The following MATK variants were observed in gnomAD, a reference collection of about 807,000 sequenced individuals.
MATK encodes the protein megakaryocyte-associated tyrosine kinase.
Under a neutral mutation model 59.8 loss-of-function variants are expected in MATK, and 41 were observed. The ratio of observed to expected loss-of-function variants is 0.69; its 90% CI spans 0.53 to 0.89. The LOEUF (loss-of-function observed/expected upper bound fraction) is 0.89, where lower values mean the gene tolerates loss of function less well. Ranked by LOEUF, MATK falls within the 40% of genes least tolerant of loss-of-function variation. MATK has a pLI of 0.00. For missense variants in MATK, 593 were observed against 719.6 expected, an observed-to-expected ratio of 0.82 and a Z score of 2.01; for synonymous variants, 308 against 306.1, an observed-to-expected ratio of 1.01 and a Z score of -0.06.
At chr19:3,789,964 C>T (rs901104921), upstream of MATK, among the ~76,000 whole-genome samples, 3 of 148,878 alleles carry the variant, frequency 2.0e-5, no homozygotes, top group East Asian at 2.0e-4. Context: ...TGCAGTGGCG[C>T]GATCTCAGCT....
At chr19:3,784,799 A>C in intron 3 of MATK, 26 bp downstream of exon 3, 1 of 1,540,894 alleles carries the variant, frequency 6.5e-7, no homozygotes, top group Non-Finnish European at 8.8e-7. Flanking sequence ...CCCGGGGAGC[A>C]GAGGAAGCAG....
At chr19:3,798,035 C>T (rs2037611256) in intron 1 of MATK, among the ~76,000 whole-genome samples, 1 of 151,402 alleles carries the variant, frequency 6.6e-6, no homozygotes, top group Admixed American at 6.6e-5. Context: ...GAGGGAGACT[C>T]CATCTCAAAA....
chr19:3,788,093 A>ATATT (rs2037505430), upstream of MATK, among the ~76,000 whole-genome samples: 1 of 128,950 alleles, frequency 7.8e-6, no homozygotes, highest in African/African-American at 2.9e-5. Flanking sequence ...TTATATTATT[A>ATATT]ATATTTATAT....
chr19:3,779,268 C>A, intron 11 of MATK, 81 bp from the exon 12 acceptor site: 2 of 1,549,462 alleles, frequency 1.3e-6, no homozygotes, highest in Non-Finnish European at 1.8e-6. Context: ...GTGCCTGGGG[C>A]CACAAGCTCA....
At chr19:3,784,926 C>T (rs1189710642) in intron 2 of MATK, 42 bp from the exon 3 acceptor site, 1 of 1,450,996 alleles carries the variant, frequency 6.9e-7, no homozygotes, top group Admixed American at 1.9e-5. Flanking sequence ...GGGCTGGGAC[C>T]CACGGTCCAG....
chr19:3,793,889 A>T (rs1012612005), intron 1 of MATK, among the ~76,000 whole-genome samples: 1 of 152,060 alleles, frequency 6.6e-6, no homozygotes, highest in Non-Finnish European at 1.5e-5. Flanking sequence ...AAAAATAAAT[A>T]AAATAAAAGC....
In MATK at chr19:3,783,455, G is replaced by GAACC. The variant is rs1300887506; in HGVS notation, c.583-240_583-237dup. On this transcript the variant is annotated intron_variant, in intron 6 of 13. Transcript: ENST00000310132. ...GGAGTCACTCTAGTCCCTGGAGGTA[G>GAACC]AACCAGGCTGACTCAGGCCACCTGT... Among the ~76,000 whole-genome samples the GAACC allele has an allele frequency of 2.6e-5, 4 of 152,088 alleles. No homozygotes were observed. In the East Asian group the frequency reaches 7.7e-4, roughly 29 times the overall value.
At chr19:3,783,414 C>A (rs2037429712) in intron 6 of MATK, 195 bp from the exon 7 acceptor site, 1 of 611,358 alleles carries the variant, frequency 1.6e-6, no homozygotes, top group Non-Finnish European at 2.9e-6. Context: ...TTGGGGGGTC[C>A]TGGGGGGTCC....
At position 3,785,147 on chromosome 19, in the gene MATK, G is replaced by A; in HGVS notation, c.-12C>T. Reference sequence around the variant, plus strand: ...CCTCGCCCCGCCATCGCCCCCAGAGGGAAACTGAGGCAGGTGAGAGGCACA... The same window carrying A: ...CCTCGCCCCGCCATCGCCCCCAGAGAGAAACTGAGGCAGGTGAGAGGCACA... On this transcript the variant is annotated 5_prime_UTR_variant, in exon 2 of 14. Transcript: ENST00000310132. The A allele has an allele frequency of 6.2e-7, 1 of 1,614,058 alleles. No individual in the cohort carries two copies. Among genetic ancestry groups the A allele is most frequent in the Non-Finnish European group, 8.5e-7 (1 of 1,179,986 alleles).
chr19:3,793,762 G>A (rs867724124), intron 1 of MATK, among the ~76,000 whole-genome samples: 13 of 152,130 alleles, frequency 8.5e-5, no homozygotes, highest in South Asian at 6.2e-4. Context: ...CCAGCTACTC[G>A]GGAAGCTGAG....
At chr19:3,783,089 G>T in intron 7 of MATK, 37 bp downstream of exon 7, 3 of 1,600,974 alleles carry the variant, frequency 1.9e-6, no homozygotes, top group South Asian at 1.1e-5. Context: ...GCTAACGTGG[G>T]TAGGGAAGGG....
At chr19:3,780,314 G>A (rs2037382266) in intron 8 of MATK, among the ~76,000 whole-genome samples, 1 of 152,118 alleles carries the variant, frequency 6.6e-6, no homozygotes, top group African/African-American at 2.4e-5. Flanking sequence ...AACAAAGAGA[G>A]AACCATCTAA....
chr19:3,788,143 T>A (rs1305359683), upstream of MATK, among the ~76,000 whole-genome samples: 2 of 146,912 alleles, frequency 1.4e-5, no homozygotes, highest in African/African-American at 5.0e-5. Context: ...TTATATTATA[T>A]TATATACCTG....
chr19:3,793,078 C>T (rs1443937797), intron 1 of MATK: 1 of 152,274 alleles, frequency 6.6e-6, no homozygotes. Context: ...ACTCATTCTG[C>T]AACCAGTCGC....
Position 3,786,171 on chromosome 19 carries a change from G to A in MATK, c.-154C>T. 1.0e-6 allele frequency: 1 copy of A among 978,780 alleles called. No individual in the cohort carries two copies. The highest frequency in any genetic ancestry group is 1.2e-6 in the Non-Finnish European group (1 of 824,270). The allele number at this position is 978,780 out of a possible 1,614,324, so 60.6% of individuals were successfully genotyped here. Reference sequence around the variant, plus strand: ...CGTCTCCCCGCCGACGTGCTCACCTGCTCAGGGGGCGCCCCCGAGCCGCGC... The same window carrying A: ...CGTCTCCCCGCCGACGTGCTCACCTACTCAGGGGGCGCCCCCGAGCCGCGC... On this transcript the variant is annotated splice_region_variant and 5_prime_UTR_variant, in exon 1 of 14. Transcript: ENST00000310132. This position sits in a 1 kb window ranked among gnomAD's most constrained non-coding sequence, Gnocchi z 4.1.
In MATK at chr19:3,781,681, T is replaced by TG. The variant is rs2037404024; in HGVS notation, c.677-10dup. On this transcript the variant is annotated splice_polypyrimidine_tract_variant and intron_variant, in intron 7 of 13. Transcript: ENST00000310132. ...GTTCAGTAACCAGCCCGCTGTGGAG[T>TG]GAAGACCCAGTCAGAGGGGTAATGG... 1.2e-6 allele frequency: 2 copies of TG among 1,612,142 alleles called. No homozygotes were observed. The highest frequency in any genetic ancestry group is 1.7e-6 in the Non-Finnish European group (2 of 1,179,636).
chr19:3,781,730 G>C (rs181737915), intron 7 of MATK, 58 bp from the exon 8 acceptor site: 2 of 1,351,544 alleles, frequency 1.5e-6, no homozygotes, highest in African/African-American at 1.4e-5. Flanking sequence ...TCCCATTGGG[G>C]GTTCTACTTG....
intron 1 of MATK, among the ~76,000 whole-genome samples, chr19:3,799,357 C>T (rs142193482): frequency 6.6e-6 from 1 of 152,266 alleles, no homozygotes; most frequent in Non-Finnish European, 1.5e-5. Context: ...CAGAGTCACC[C>T]TCACTGCGTG....
chr19:3,793,911 C>T (rs1002629361), intron 1 of MATK, among the ~76,000 whole-genome samples: 6 of 152,078 alleles, frequency 3.9e-5, no homozygotes, highest in Non-Finnish European at 7.4e-5. Context: ...TCCCATGGTT[C>T]CCACTAAGCT....
Sources: gnomAD v4.1 joint callset for allele counts (sites outside exome capture counted in the v4.1 genomes callset) on GRCh38, gnomAD v4.1.1 for gene constraint, Gnocchi (gnomAD v3.1) non-coding constraint, MANE v1.5 for transcripts, NCBI Gene and HGNC (gene_info 2026-07-23, HGNC 2026-07-21) for gene names.